EVC2: variants seen among roughly 807,000 people sequenced by gnomAD.
EVC2 encodes limbin.
EVC2 carries 148 observed loss-of-function variants against 149.3 expected under a neutral mutation model. The ratio of observed to expected loss-of-function variants is 0.99; its 90% CI spans 0.87 to 1.14. EVC2 has a LOEUF of 1.14. Ranked by LOEUF, EVC2 falls within the 50% of genes most tolerant of loss-of-function variation. The probability of loss-of-function intolerance (pLI) is 0.00; values close to 1 mark genes in which losing one functional copy is unlikely to be tolerated. For missense variants in EVC2, 1,854 were observed against 1,627.3 expected (o/e 1.14, Z -2.40); for synonymous variants, 776 against 649.9 (o/e 1.19, Z -2.95).
chr4:5,634,838 C>A, intron 10 of EVC2, among the ~76,000 whole-genome samples: 1 of 151,968 alleles, frequency 6.6e-6, no homozygotes, highest in Non-Finnish European at 1.5e-5. Flanking sequence ...GTGTGACAGG[C>A]ACTAGGAACT....
chr4:5,564,438 T>C (rs1461475079), intron 21 of EVC2, among the ~76,000 whole-genome samples: 1 of 152,228 alleles, frequency 6.6e-6, no homozygotes, highest in African/African-American at 2.4e-5. Flanking sequence ...TGAGACTATA[T>C]TGTGATAACC....
At chr4:5,676,623 CA>C in intron 7 of EVC2, among the ~76,000 whole-genome samples, 1 of 152,280 alleles carries the variant, frequency 6.6e-6, no homozygotes, top group South Asian at 2.1e-4. Flanking sequence ...GACAAGCAGT[CA>C]ACACTGGCTT....
Position 5,563,034 on chromosome 4 carries a change from C to T in EVC2, c.3741G>A (p.Glu1247=), listed in dbSNP as rs768693733. The change falls in exon 22 of 22, where the codon GAG becomes GAA. Residue 1247 remains glutamate (E), a synonymous_variant. Transcript: ENST00000344408. ...GKGSWPHLSL[E]PIGELAPVPI... ...GTACAGGGGCCAGTTCGCCAATGGG[C>T]TCCAGTGACAGGTGTGGCCAACTTC... The T allele has an allele frequency of 6.2e-7, 1 of 1,614,176 alleles. No homozygotes were observed. Among genetic ancestry groups the T allele is most frequent in the South Asian group, 1.1e-5 (1 of 91,076 alleles).
rs1319211611 is a variant in EVC2 at position 5,565,361 on chromosome 4, T to C, written c.3558-2A>G. ...GCTTGCCACCAGCTCTGGTGTTTCC[T>C]GCAGGCAAGAAGGGAGTCTTATAGT... On this transcript the variant is annotated splice_acceptor_variant, in intron 20 of 21. Transcript: ENST00000344408. LOFTEE classifies it high-confidence loss of function. The C allele has an allele frequency of 2.5e-6, 4 of 1,613,820 alleles. No individual in the cohort carries two copies. Among genetic ancestry groups the C allele is most frequent in the Non-Finnish European group, 3.4e-6 (4 of 1,179,886 alleles).
At chr4:5,662,450 T>C (rs1298964529) in intron 9 of EVC2, among the ~76,000 whole-genome samples, 1 of 146,268 alleles carries the variant, frequency 6.8e-6, no homozygotes, top group Non-Finnish European at 1.5e-5. Flanking sequence ...AATAAACTAA[T>C]TATTCAATAA....
intron 17 of EVC2, among the ~76,000 whole-genome samples, chr4:5,581,726 A>T (rs1264793432): frequency 6.6e-6 from 1 of 152,224 alleles, no homozygotes; most frequent in African/African-American, 2.4e-5. Flanking sequence ...AGAATGGGAA[A>T]CAGAAGGGTT....
chr4:5,588,493 T>C (rs1712496850), intron 16 of EVC2, among the ~76,000 whole-genome samples: 1 of 152,150 alleles, frequency 6.6e-6, no homozygotes. Context: ...CATCCTTCTT[T>C]TTCTCTCTCC....
chr4:5,708,730 C>G (rs1460542924), upstream of EVC2: 3 of 448,552 alleles, frequency 6.7e-6, no homozygotes, highest in Non-Finnish European at 1.2e-5. Context: ...GCCCGGCGGC[C>G]AGGCCTGGGT....
chr4:5,595,074 G>A (rs1271112995), intron 16 of EVC2, among the ~76,000 whole-genome samples: 3 of 152,208 alleles, frequency 2.0e-5, no homozygotes, highest in Non-Finnish European at 4.4e-5. Context: ...TATGTGAAAA[G>A]ACCAAATGTA....
At chr4:5,697,361 A>G (rs951236602) in intron 2 of EVC2, among the ~76,000 whole-genome samples, 1 of 152,256 alleles carries the variant, frequency 6.6e-6, no homozygotes, top group African/African-American at 2.4e-5. Context: ...TTCAGGGGAT[A>G]TCAAAAAGGG....
intron 9 of EVC2, among the ~76,000 whole-genome samples, chr4:5,661,345 T>A (rs1718860567): frequency 6.6e-6 from 1 of 152,198 alleles, no homozygotes; most frequent in Admixed American, 6.5e-5. Context: ...ATTAATATAA[T>A]CCATAATTAT....
chr4:5,700,058 T>C (rs1721731251), intron 1 of EVC2, among the ~76,000 whole-genome samples: 2 of 152,026 alleles, frequency 1.3e-5, no homozygotes, highest in South Asian at 4.1e-4. Context: ...GAGAATCACT[T>C]GAACCCAGGA....
At chr4:5,648,034 T>A (rs1200319864) in intron 9 of EVC2, among the ~76,000 whole-genome samples, 1 of 152,152 alleles carries the variant, frequency 6.6e-6, no homozygotes, top group Non-Finnish European at 1.5e-5. Flanking sequence ...TTTTTTTAAT[T>A]GACAAGTAAC....
chr4:5,652,538 G>T (rs1718218042), intron 9 of EVC2, among the ~76,000 whole-genome samples: 1 of 152,176 alleles, frequency 6.6e-6, no homozygotes, highest in South Asian at 2.1e-4. Flanking sequence ...AGACGAAGGT[G>T]TCAGCTCATG....
intron 6 of EVC2, 117 bp from the exon 7 acceptor site, chr4:5,681,430 G>C: frequency 9.8e-7 from 1 of 1,019,574 alleles, no homozygotes; most frequent in Middle Eastern, 2.0e-4. Flanking sequence ...CCTAACTGCT[G>C]CACAGGTCAG....
rs544515586 is a variant in EVC2 at position 5,596,657 on chromosome 4, G to T, written c.2830-11807C>A. Among the ~76,000 whole-genome samples the T allele has an allele frequency of 2.1e-3, 327 of 152,238 alleles. 2 individuals carry two copies. Among genetic ancestry groups the T allele is most frequent in the African/African-American group, 7.5e-3 (311 of 41,558 alleles). On this transcript the variant is annotated intron_variant, in intron 16 of 21. Transcript: ENST00000344408. ...TGACACCCTAACATCACAATTAAAAGAACTACAGAAGTAAGAGCAAACACA... is the reference window on the plus strand; with the variant it reads ...TGACACCCTAACATCACAATTAAAATAACTACAGAAGTAAGAGCAAACACA...
chr4:5,698,735 G>C (rs948248885), intron 1 of EVC2, among the ~76,000 whole-genome samples: 2 of 152,346 alleles, frequency 1.3e-5, no homozygotes, highest in Middle Eastern at 3.4e-3. Flanking sequence ...CTACAGTAAT[G>C]AGATAACTCA....
intron 10 of EVC2, among the ~76,000 whole-genome samples, chr4:5,638,357 G>A (rs943060031): frequency 2.0e-5 from 3 of 151,600 alleles, no homozygotes; most frequent in Non-Finnish European, 4.4e-5. Flanking sequence ...CCACTGCACT[G>A]CGATCTGGGT....
chr4:5,662,974 T>C, intron 9 of EVC2, 133 bp downstream of exon 9: 1 of 1,199,668 alleles, frequency 8.3e-7, no homozygotes, highest in Non-Finnish European at 1.2e-6. Flanking sequence ...TGCATAGCAG[T>C]TGTTGAATTA....
Sources: allele counts gnomAD v4.1 joint callset (sites outside exome capture counted in the v4.1 genomes callset), GRCh38; gene constraint gnomAD v4.1.1; transcripts MANE v1.5; gene names NCBI Gene and HGNC (gene_info 2026-07-23, HGNC 2026-07-21).